LRRC4B: variants seen among roughly 807,000 people sequenced by gnomAD.
The protein encoded by LRRC4B is leucine rich repeat containing 4B.
In LRRC4B, 1 loss-of-function variant was observed where a neutral mutation model predicts 7.3. That is an observed-to-expected ratio of 0.14 (90% CI 0.05 to 0.65). The LOEUF (loss-of-function observed/expected upper bound fraction) is 0.65, where lower values mean the gene tolerates loss of function less well. Ranked by LOEUF, LRRC4B falls within the 30% of genes least tolerant of loss-of-function variation. The pLI is 0.84. For missense variants in LRRC4B, 730 were observed against 1,041.6 expected, an observed-to-expected ratio of 0.70 and a Z score of 4.12; for synonymous variants, 500 against 499.2, an observed-to-expected ratio of 1.00 and a Z score of -0.02.
chr19:50,535,169 GTTTA>G (rs952710863), intron 2 of LRRC4B, among the ~76,000 whole-genome samples: 7 of 151,582 alleles, frequency 4.6e-5, no homozygotes, highest in South Asian at 2.1e-4. Flanking sequence ...CGCCCGGCCT[GTTTA>G]TTTATTTATT....
At position 50,518,280 on chromosome 19, in the gene LRRC4B, C is replaced by G. The variant is rs1980389784; in HGVS notation, c.1433G>C (p.Gly478Ala). ...GTAGGTGTAGCCGCCACTGCCCCCT[C>G]CAACACCACCACTGCCCCCAGGGCC... The part of the protein sequence containing the change: ...GGGPGGSGGV[G>A]GGSGGYTYFT... Residue 478 changes from glycine to alanine, a missense_variant, in exon 3 of 3, where the codon GGA (glycine) becomes GCA (alanine). Gly to Ala is a moderately conservative substitution (Grantham distance 60, BLOSUM62 0). Around this residue, in one of 6 missense-constraint regions of LRRC4B, gnomAD observed 192 missense variants for 228.6 expected, o/e 0.84. Transcript: ENST00000652263. The G allele has an allele frequency of 6.3e-7, 1 of 1,599,298 alleles. No homozygotes were observed. Among genetic ancestry groups the G allele is most frequent in the Non-Finnish European group, 8.5e-7 (1 of 1,173,578 alleles).
intron 1 of LRRC4B, among the ~76,000 whole-genome samples, chr19:50,560,988 G>C (rs1289916143): frequency 6.6e-6 from 1 of 152,180 alleles, no homozygotes; most frequent in Non-Finnish European, 1.5e-5. Flanking sequence ...CTACTCAAGA[G>C]GTTGAGACAG....
chr19:50,551,237 C>G (rs960210157), intron 1 of LRRC4B, among the ~76,000 whole-genome samples: 2 of 151,090 alleles, frequency 1.3e-5, no homozygotes, highest in African/African-American at 4.9e-5. Context: ...CCAGGCCCCC[C>G]CCTCCACATG....
intron 1 of LRRC4B, among the ~76,000 whole-genome samples, chr19:50,565,526 CGTGTGTGTGTGTGT>C (rs67157266): frequency 4.1e-5 from 6 of 147,326 alleles, no homozygotes; most frequent in African/African-American, 1.0e-4. Context: ...TGTGTGCTCT[CGTGTGTGTGTGTGT>C]GTGTGTGTGT....
At chr19:50,527,895 C>T (rs1023376968) in intron 2 of LRRC4B, among the ~76,000 whole-genome samples, 3 of 151,994 alleles carry the variant, frequency 2.0e-5, no homozygotes, top group Admixed American at 6.6e-5. Flanking sequence ...GCACGCACCA[C>T]CACACCCGGC....
chr19:50,517,039 C>G lies in LRRC4B; in HGVS notation c.*532G>C, dbSNP rs1402206674. 2 of 152,178 alleles carry G rather than the reference C, an allele frequency of 1.3e-5. No homozygotes were observed. Among genetic ancestry groups the G allele is most frequent in the African/African-American group, 4.8e-5 (2 of 41,516 alleles). 9.4% of individuals were successfully genotyped at this position (152,178 alleles called of 1,614,324 possible). On this transcript the variant is annotated 3_prime_UTR_variant, in exon 3 of 3. Transcript: ENST00000652263. The surrounding 1 kb of genome is among the most constrained non-coding windows in gnomAD (Gnocchi z 6.6). ...GGCTGGGGCGGGTGGAGGCTCCCCC[C>G]CGCGCCGACGACAGGGACCGCCGGC...
intron 1 of LRRC4B, among the ~76,000 whole-genome samples, chr19:50,552,650 A>G (rs535074842): frequency 1.1e-5 from 1 of 95,102 alleles, no homozygotes; most frequent in Non-Finnish European, 2.1e-5. Flanking sequence ...CCATCCGTCC[A>G]TCCATCCATC....
chr19:50,551,238 C>A (rs1197868506), intron 1 of LRRC4B, among the ~76,000 whole-genome samples: 3 of 151,902 alleles, frequency 2.0e-5, no homozygotes, highest in Non-Finnish European at 2.9e-5. Context: ...CAGGCCCCCC[C>A]CTCCACATGC....
intron 1 of LRRC4B, among the ~76,000 whole-genome samples, chr19:50,550,302 A>G (rs1981998974): frequency 6.6e-6 from 1 of 152,076 alleles, no homozygotes; most frequent in South Asian, 2.1e-4. Flanking sequence ...CTCTGAGTAC[A>G]CACAAATACA....
intron 1 of LRRC4B, among the ~76,000 whole-genome samples, chr19:50,549,839 C>T (rs530143613): frequency 6.6e-6 from 1 of 152,146 alleles, no homozygotes; most frequent in South Asian, 2.1e-4. Flanking sequence ...GCTGCTGCCG[C>T]AGGACCGAGC....
chr19:50,565,947 C>T (rs2122938186), intron 1 of LRRC4B, among the ~76,000 whole-genome samples: 1 of 152,206 alleles, frequency 6.6e-6, no homozygotes, highest in South Asian at 2.1e-4. Flanking sequence ...CTCTGTGCCT[C>T]CCTCCCTGGC....
chr19:50,543,044 G>T (rs553391749), intron 2 of LRRC4B, among the ~76,000 whole-genome samples: 1 of 149,356 alleles, frequency 6.7e-6, no homozygotes, highest in Admixed American at 6.7e-5. Context: ...GGCGTCGCAG[G>T]GATTCGCGTC....
At chr19:50,538,886 G>A (rs1033290179) in intron 2 of LRRC4B, among the ~76,000 whole-genome samples, 5 of 146,952 alleles carry the variant, frequency 3.4e-5, no homozygotes, top group Admixed American at 1.4e-4. Context: ...GCGAGCCACC[G>A]CACGCCGCCT....
In LRRC4B at chr19:50,519,765, C is replaced by T. The variant is rs911565831; in HGVS notation, c.298-350G>A. 7.2e-5 allele frequency among the ~76,000 whole-genome samples: 11 copies of T among 151,914 alleles called. No homozygotes were observed. Among genetic ancestry groups the T allele is most frequent in the African/African-American group, 2.2e-4 (9 of 41,324 alleles). On this transcript the variant is annotated intron_variant, in intron 2 of 2. Coordinates refer to ENST00000652263, the MANE Select transcript of LRRC4B (RefSeq NM_001080457.2). This position sits in a 1 kb window ranked among gnomAD's most constrained non-coding sequence, Gnocchi z 8.1. ...GGTGGTGCGTGTAATCCCAGCTACT[C>T]GGGAGGCTGAGGCACGAGAATCACT... is the stretch of plus-strand genomic sequence containing the variant.
At position 50,517,531 on chromosome 19, in the gene LRRC4B, TG is replaced by T; in HGVS notation, c.*39del. The T allele has an allele frequency of 3.6e-6, 5 of 1,381,010 alleles. No homozygotes were observed. Among genetic ancestry groups the T allele is most frequent in the Non-Finnish European group, 2.8e-6 (3 of 1,065,730 alleles). The allele number at this position is 1,381,010 out of a possible 1,614,324, so 85.5% of individuals were successfully genotyped here. On this transcript the variant is annotated 3_prime_UTR_variant, in exon 3 of 3. Coordinates refer to ENST00000652263, the MANE Select transcript of LRRC4B (RefSeq NM_001080457.2). The surrounding 1 kb of genome is among the most constrained non-coding windows in gnomAD (Gnocchi z 6.6). ...GGCTGCGCCCGGGCTGGGACCTGGG[TG>T]GGGGGCTCCACGCCCCTCGCCCGCC... is the stretch of plus-strand genomic sequence containing the variant.
chr19:50,518,119 C>T lies in LRRC4B; in HGVS notation c.1594G>A (p.Gly532Ser), dbSNP rs929260284. Residue 532 changes from glycine to serine, a missense_variant, in exon 3 of 3, where the codon GGC becomes AGC. By Grantham distance (56) the Gly-to-Ser change is moderately conservative. Coordinates refer to ENST00000652263, the MANE Select transcript of LRRC4B (RefSeq NM_001080457.2). ...GCCGTGGTAGAAGACGAGGCAGGGC[C>T]GGCCGCGTCCCCAGGCCGGCCCCCA... The part of the protein sequence containing the change: ...WGGGRPGDAA[G>S]PASSSTTAPA... 3 of 1,592,984 alleles carry T rather than the reference C, an allele frequency of 1.9e-6. No homozygotes were observed. Among genetic ancestry groups the T allele is most frequent in the Admixed American group, 1.8e-5 (1 of 55,074 alleles).
chr19:50,544,278 G>A (rs375621408), intron 2 of LRRC4B, among the ~76,000 whole-genome samples: 37 of 152,104 alleles, frequency 2.4e-4, no homozygotes, highest in South Asian at 1.0e-3. Flanking sequence ...AGGCCGAGGC[G>A]GGCAGATCAC....
intron 2 of LRRC4B, among the ~76,000 whole-genome samples, chr19:50,541,435 G>A (rs184186871): frequency 4.3e-4 from 64 of 149,504 alleles, no homozygotes; most frequent in Admixed American, 3.4e-3. Flanking sequence ...CCATCTCCTC[G>A]ACACCCCAGT....
At chr19:50,535,061 G>C (rs1363853891) in intron 2 of LRRC4B, among the ~76,000 whole-genome samples, 1 of 151,890 alleles carries the variant, frequency 6.6e-6, no homozygotes, top group Non-Finnish European at 1.5e-5. Flanking sequence ...GTAGAGACAG[G>C]GTTTCACTGT....
Sources: allele counts gnomAD v4.1 joint callset (sites outside exome capture counted in the v4.1 genomes callset), GRCh38; gene constraint gnomAD v4.1.1; regional missense constraint gnomAD v4.1.1; non-coding constraint Gnocchi (gnomAD v3.1); transcripts MANE v1.5; gene names NCBI Gene and HGNC (gene_info 2026-07-23, HGNC 2026-07-21).